Variants in PMPCA observed in about 807,000 individuals in gnomAD.
PMPCA encodes the protein peptidase, mitochondrial processing subunit alpha.
A neutral mutation model predicts 59.3 loss-of-function variants in PMPCA; 47 were observed. That is an observed-to-expected ratio of 0.79 (90% CI 0.63 to 1.01). PMPCA has a LOEUF of 1.01. Ranked by LOEUF, PMPCA falls within the 50% of genes least tolerant of loss-of-function variation. The pLI is 0.00. For missense variants in PMPCA, 726 were observed against 704.5 expected (o/e 1.03, Z -0.34); for synonymous variants, 338 against 290.3 (o/e 1.16, Z -1.67).
chr9:136,422,428 T>G (rs2131597063), intron 12 of PMPCA: 1 of 1,081,956 alleles, frequency 9.2e-7, no homozygotes, highest in African/African-American at 1.7e-5. Context: ...CTGAATTTCC[T>G]GAAACTGCCA....
At chr9:136,415,337 G>A (rs1835244523) in intron 5 of PMPCA, among the ~76,000 whole-genome samples, 1 of 152,256 alleles carries the variant, frequency 6.6e-6, no homozygotes. Flanking sequence ...CCTGTGGGAT[G>A]TTTTTAGCGA....
At chr9:136,414,414 A>G in intron 4 of PMPCA, 139 bp from the exon 5 acceptor site, 6 of 657,706 alleles carry the variant, frequency 9.1e-6, no homozygotes, top group Non-Finnish European at 1.7e-5. Flanking sequence ...GCAAAGCCCA[A>G]GTGTCCCCTG....
In PMPCA at chr9:136,410,694, C is replaced by A. The variant is rs571540936; in HGVS notation, c.26C>A (p.Thr9Lys). 13 of 1,416,624 alleles carry A rather than the reference C, an allele frequency of 9.2e-6. No homozygotes were observed. In the East Asian group the frequency reaches 2.8e-4, roughly 30 times the overall value. 87.8% of individuals were successfully genotyped at this position (1,416,624 alleles called of 1,614,324 possible). A position where few individuals can be genotyped will look rare whatever the true frequency, so the allele number is the denominator to read the frequency against. ...ATGGCGGCTGTGGTGCTGGCGGCGA[C>A]GCGGTTGCTGCGGGGCTCGGGTTCT... MAAVVLAA[T>K]RLLRGSGSWG... The change falls in exon 1 of 13, where the codon ACG becomes AAG. Residue 9 changes from threonine to lysine, a missense_variant. Coordinates refer to ENST00000371717, the MANE Select transcript of PMPCA (RefSeq NM_015160.3).
chr9:136,416,309 C>T lies in PMPCA; in HGVS notation c.551C>T (p.Thr184Met), dbSNP rs772027681. The change falls in exon 6 of 13, where the codon ACG becomes ATG. Residue 184 changes from threonine (T) to methionine (M), a missense_variant. Physicochemically the swap from Thr to Met is moderately conservative, Grantham distance 81. Coordinates refer to ENST00000371717, the MANE Select transcript of PMPCA (RefSeq NM_015160.3). ...CTTGCAGATGAAGAAGTCGAGATGACGCGGATGGCGGTCCAGTTTGAGCTG... is the reference window on the plus strand; with the variant it reads ...CTTGCAGATGAAGAAGTCGAGATGATGCGGATGGCGGTCCAGTTTGAGCTG... ...PRLTDEEVEM[T>M]RMAVQFELED... The T allele has an allele frequency of 1.1e-5, 18 of 1,613,378 alleles. No homozygotes were observed. The highest frequency in any genetic ancestry group is 1.7e-4 in the Middle Eastern group (1 of 5,898).
rs1835073870 is a variant in PMPCA, at chr9:136,410,755, A to T, written c.71+16A>T. ...CGCGGCTGAGGTGAGCCAAAGGCGA[A>T]CCAGGCTTCGGCCTGGGGCGGGGGC... On this transcript the variant is annotated intron_variant, in intron 1 of 12. Coordinates refer to ENST00000371717, the MANE Select transcript of PMPCA (RefSeq NM_015160.3). The T allele has an allele frequency of 7.2e-7, 1 of 1,388,322 alleles. No homozygotes were observed. Among genetic ancestry groups the T allele is most frequent in the Non-Finnish European group, 9.3e-7 (1 of 1,076,084 alleles). 86.0% of individuals were successfully genotyped at this position (1,388,322 alleles called of 1,614,324 possible).
Position 136,412,574 on chromosome 9 carries a change from G to A in PMPCA, c.354+5G>A. 1.3e-6 allele frequency: 2 copies of A among 1,508,822 alleles called. No homozygotes were observed. Among genetic ancestry groups the A allele is most frequent in the African/African-American group, 1.4e-5 (1 of 72,802 alleles). The allele number at this position is 1,508,822 out of a possible 1,614,324, so 93.5% of individuals were successfully genotyped here. A position where few individuals can be genotyped will look rare whatever the true frequency, so the allele number is the denominator to read the frequency against. On this transcript the variant is annotated splice_donor_5th_base_variant and intron_variant, in intron 3 of 12. Transcript: ENST00000371717. ...TTGGAAAAATTGGCATTTTCGGTCA[G>A]TACCCAGTTTTGTAATTTTTTAGAC...
intron 12 of PMPCA, chr9:136,422,311 T>G (rs1259417200): frequency 1.5e-5 from 18 of 1,218,164 alleles, no homozygotes; most frequent in Admixed American, 1.1e-4. Flanking sequence ...ACTGCTACAT[T>G]GTACGTGGAG....
At chr9:136,415,477 C>T (rs1835248140) in intron 5 of PMPCA, among the ~76,000 whole-genome samples, 1 of 152,186 alleles carries the variant, frequency 6.6e-6, no homozygotes, top group Admixed American at 6.5e-5. Context: ...ACTTTGAGTC[C>T]CTGTCAGGGG....
At chr9:136,419,003 AG>A in intron 10 of PMPCA, 40 bp from the exon 11 acceptor site, 1 of 1,598,498 alleles carries the variant, frequency 6.3e-7, no homozygotes. Context: ...GTAGGCCGGC[AG>A]GCGCAGGCCA....
intron 3 of PMPCA, 35 bp downstream of exon 3, chr9:136,412,604 C>T: frequency 9.1e-7 from 1 of 1,095,932 alleles, no homozygotes; most frequent in Non-Finnish European, 1.4e-6. Context: ...TTAGACTATA[C>T]TTTTGAAGGA....
chr9:136,415,164 G>A (rs1368275527), intron 5 of PMPCA, among the ~76,000 whole-genome samples: 1 of 152,192 alleles, frequency 6.6e-6, no homozygotes, highest in Non-Finnish European at 1.5e-5. Flanking sequence ...CCGGCATTTA[G>A]GGATGTAGAG....
At chr9:136,421,028 A>G (rs1835433759) in intron 11 of PMPCA, 1 of 152,010 alleles carries the variant, frequency 6.6e-6, no homozygotes. Flanking sequence ...TCCTTCTCAC[A>G]GCACCCCTGC....
At chr9:136,413,274 T>C (rs1251294913) in intron 4 of PMPCA, among the ~76,000 whole-genome samples, 3 of 152,196 alleles carry the variant, frequency 2.0e-5, no homozygotes, top group Admixed American at 2.0e-4. Flanking sequence ...GTTGGGCTGG[T>C]TCCAGAAGGA....
intron 1 of PMPCA, 125 bp downstream of exon 1, chr9:136,410,864 G>A: frequency 1.5e-5 from 12 of 791,306 alleles, no homozygotes; most frequent in Non-Finnish European, 2.1e-5. Context: ...TCGGGACACT[G>A]GTGTCCCCGA....
chr9:136,411,869 A>C, intron 1 of PMPCA, 128 bp from the exon 2 acceptor site: 1 of 666,576 alleles, frequency 1.5e-6, no homozygotes, highest in Non-Finnish European at 2.7e-6. Context: ...AAGTCTGTAG[A>C]AATAAGTCCT....
intron 6 of PMPCA, chr9:136,416,642 CAGCTT>C (rs1835283936): frequency 8.3e-6 from 5 of 598,900 alleles, no homozygotes; most frequent in Middle Eastern, 4.4e-4. Flanking sequence ...TCACCGCACT[CAGCTT>C]AGAACATTCT....
chr9:136,419,547 C>G, intron 11 of PMPCA: 1 of 248,946 alleles, frequency 4.0e-6, no homozygotes, highest in Non-Finnish European at 8.0e-6. Flanking sequence ...CTTTCCCTGG[C>G]TCCATTCTAT....
At position 136,414,761 on chromosome 9, in the gene PMPCA, C is replaced by T. The variant is rs1588811000; in HGVS notation, c.532+114C>T. 17 of 701,572 alleles carry T rather than the reference C, an allele frequency of 2.4e-5. No homozygotes were observed. The East Asian group carries it at 4.5e-4, about 19-fold the overall frequency. The allele number at this position is 701,572 out of a possible 1,614,324, so 43.5% of individuals were successfully genotyped here. ...AGCACCATGTAATTGGAGCTTTAGGCCAACACAAAGTGACAGCGAGATCTC... is the reference window on the plus strand; with the variant it reads ...AGCACCATGTAATTGGAGCTTTAGGTCAACACAAAGTGACAGCGAGATCTC... On this transcript the variant is annotated intron_variant, in intron 5 of 12. Transcript: ENST00000371717.
At chr9:136,414,922 C>CA (rs1835233760) in intron 5 of PMPCA, among the ~76,000 whole-genome samples, 1 of 151,662 alleles carries the variant, frequency 6.6e-6, no homozygotes, top group African/African-American at 2.4e-5. Flanking sequence ...CCTGTCTCTA[C>CA]AAAAAAGATA....
Sources: gnomAD v4.1 joint callset for allele counts (sites outside exome capture counted in the v4.1 genomes callset) on GRCh38, gnomAD v4.1.1 for gene constraint, MANE v1.5 for transcripts, NCBI Gene and HGNC (gene_info 2026-07-23, HGNC 2026-07-21) for gene names.